The following DACH2 variants were observed in gnomAD, a reference collection of about 807,000 sequenced individuals.
The protein encoded by DACH2 is dachshund family transcription factor 2.
A neutral mutation model predicts 35.8 loss-of-function variants in DACH2; 17 were observed. The ratio of observed to expected loss-of-function variants is 0.48; its 90% CI spans 0.33 to 0.71. The LOEUF (loss-of-function observed/expected upper bound fraction) is 0.71, where lower values mean the gene tolerates loss of function less well. Ranked by LOEUF, DACH2 falls within the 30% of genes least tolerant of loss-of-function variation. The probability of loss-of-function intolerance (pLI) is 0.02; values close to 1 mark genes in which losing one functional copy is unlikely to be tolerated. For synonymous variants in DACH2, 195 were observed against 177.3 expected (o/e 1.10, Z -0.79); for missense variants, 469 against 472.7 (o/e 0.99, Z 0.07).
At chrX:86,467,226 T>A (rs916274781) in intron 2 of DACH2, among the ~76,000 whole-genome samples, 1 of 111,548 alleles carries the variant, frequency 9.0e-6, no homozygotes, top group Non-Finnish European at 1.9e-5. Flanking sequence ...CTTTGCTACT[T>A]AGAAATTTCT....
At chrX:86,488,651 A>T (rs1480335616) in intron 2 of DACH2, among the ~76,000 whole-genome samples, 1 of 111,476 alleles carries the variant, frequency 9.0e-6, no homozygotes, top group Non-Finnish European at 1.9e-5. Flanking sequence ...GAAGTAATGG[A>T]TTACTCATTA....
chrX:86,316,669 T>A (rs2034914222), intron 1 of DACH2, among the ~76,000 whole-genome samples: 1 of 110,981 alleles, frequency 9.0e-6, no homozygotes, highest in Non-Finnish European at 1.9e-5. Context: ...GAGGGAGGTG[T>A]TGTGTGGGGA....
Position 86,480,337 on chromosome X carries a change from C to T in DACH2, c.528-33942C>T, listed in dbSNP as rs574439273. Among the ~76,000 whole-genome samples, 7 of 112,107 alleles carry T rather than the reference C, an allele frequency of 6.2e-5. No individual in the cohort carries two copies. The South Asian group carries it at 2.6e-3, about 42-fold the overall frequency. On this transcript the variant is annotated intron_variant, in intron 2 of 11. Coordinates refer to ENST00000373125, the MANE Select transcript of DACH2 (RefSeq NM_053281.3). ...TCTGCCAAACAAATGGATTCTCTGT[C>T]TGTTCTGAGCTTACTGGAGGTGGGG...
At chrX:86,381,674 C>T (rs1185233802) in intron 2 of DACH2, among the ~76,000 whole-genome samples, 6 of 110,870 alleles carry the variant, frequency 5.4e-5, no homozygotes, top group African/African-American at 2.0e-4. Context: ...CGTATCTTTC[C>T]TTTTCCTTGA....
chrX:86,211,557 A>C (rs2032446355), intron 1 of DACH2, among the ~76,000 whole-genome samples: 1 of 111,374 alleles, frequency 9.0e-6, no homozygotes, highest in African/African-American at 3.3e-5. Flanking sequence ...ATTCTTATGA[A>C]TGATACAGAA....
At chrX:86,476,106 T>C (rs891840013) in intron 2 of DACH2, among the ~76,000 whole-genome samples, 6 of 111,920 alleles carry the variant, frequency 5.4e-5, no homozygotes, top group Non-Finnish European at 9.4e-5. Context: ...TTTTGCATCA[T>C]TTTTCATCAG....
At chrX:86,344,343 TAC>T (rs1297786382) in intron 1 of DACH2, among the ~76,000 whole-genome samples, 6,691 of 92,415 alleles carry the variant, frequency 0.072, 539 homozygotes, top group African/African-American at 0.24. Context: ...TATATATATA[TAC>T]ACACACACAC....
intron 6 of DACH2, among the ~76,000 whole-genome samples, chrX:86,737,735 C>A (rs1277160399): frequency 9.0e-6 from 1 of 111,499 alleles, no homozygotes; most frequent in Non-Finnish European, 1.9e-5. Flanking sequence ...AATCTGTTAT[C>A]TGTTTTCTTT....
At chrX:86,367,274 A>AT (rs1448496824) in intron 1 of DACH2, among the ~76,000 whole-genome samples, 1 of 111,580 alleles carries the variant, frequency 9.0e-6, no homozygotes, top group Admixed American at 9.6e-5. Flanking sequence ...TTTCAAGACC[A>AT]TTTTTCTGTA....
chrX:86,537,652 T>G (rs981648278), intron 3 of DACH2, among the ~76,000 whole-genome samples: 6 of 111,919 alleles, frequency 5.4e-5, no homozygotes, highest in Non-Finnish European at 5.6e-5. Context: ...GCAACCTGAA[T>G]TCTTTGCTTT....
chrX:86,567,168 A>T (rs1300207093), intron 3 of DACH2, among the ~76,000 whole-genome samples: 1 of 112,011 alleles, frequency 8.9e-6, no homozygotes, highest in East Asian at 2.8e-4. Context: ...GTTTAAGATG[A>T]GGCATGTTGA....
chrX:86,772,897 T>C (rs985492167), intron 7 of DACH2, among the ~76,000 whole-genome samples: 2 of 111,180 alleles, frequency 1.8e-5, no homozygotes, highest in Non-Finnish European at 3.8e-5. Context: ...AAGACAGTCA[T>C]ATTTGTGCTA....
At chrX:86,359,194 A>G (rs1264918702) in intron 1 of DACH2, among the ~76,000 whole-genome samples, 1 of 110,102 alleles carries the variant, frequency 9.1e-6, no homozygotes, top group Non-Finnish European at 1.9e-5. Flanking sequence ...AAATTAATTT[A>G]TATTGATTCT....
chrX:86,593,785 C>T (rs1323628588), intron 3 of DACH2, among the ~76,000 whole-genome samples: 1 of 110,773 alleles, frequency 9.0e-6, no homozygotes, highest in Admixed American at 9.7e-5. Context: ...CTATGTTTTT[C>T]AGTAATATTG....
intron 1 of DACH2, among the ~76,000 whole-genome samples, chrX:86,181,716 G>A (rs2031502251): frequency 9.0e-6 from 1 of 111,444 alleles, no homozygotes. Flanking sequence ...TGGGATTGCT[G>A]GGTCAAATGG....
chrX:86,513,528 T>A (rs2148269687), intron 2 of DACH2, among the ~76,000 whole-genome samples: 1 of 112,145 alleles, frequency 8.9e-6, no homozygotes, highest in African/African-American at 3.2e-5. Flanking sequence ...TATTAGCATT[T>A]GCAATTACAG....
intron 1 of DACH2, among the ~76,000 whole-genome samples, chrX:86,375,586 A>G (rs2035952265): frequency 9.3e-6 from 1 of 106,964 alleles, no homozygotes; most frequent in Admixed American, 1.0e-4. Flanking sequence ...ATTATATTTT[A>G]TTTAAGAACA....
chrX:86,625,068 T>C (rs2040118656), intron 3 of DACH2, among the ~76,000 whole-genome samples: 1 of 111,877 alleles, frequency 8.9e-6, no homozygotes, highest in South Asian at 3.8e-4. Context: ...CCTCAAGATA[T>C]TGGTTCCAAA....
At chrX:86,413,524 ATTTGTCTTC>A (rs1158681618) in intron 2 of DACH2, among the ~76,000 whole-genome samples, 1 of 111,952 alleles carries the variant, frequency 8.9e-6, no homozygotes, top group African/African-American at 3.3e-5. Flanking sequence ...TCCAATATCC[ATTTGTCTTC>A]TGCACAGGCC....
Sources: gnomAD v4.1 joint callset for allele counts (sites outside exome capture counted in the v4.1 genomes callset) on GRCh38, gnomAD v4.1.1 for gene constraint, MANE v1.5 for transcripts, NCBI Gene and HGNC (gene_info 2026-07-23, HGNC 2026-07-21) for gene names.